CCDC85C: variants seen among roughly 807,000 people sequenced by gnomAD.
CCDC85C encodes the protein coiled-coil domain-containing protein 85C.
In CCDC85C, 18 loss-of-function variants were observed where a neutral mutation model predicts 38.3. The ratio of observed to expected loss-of-function variants is 0.47; its 90% CI spans 0.33 to 0.70. The LOEUF (loss-of-function observed/expected upper bound fraction) is 0.70. Ranked by LOEUF, CCDC85C falls within the 30% of genes least tolerant of loss-of-function variation. The probability of loss-of-function intolerance (pLI) is 0.03; values close to 1 mark genes in which losing one functional copy is unlikely to be tolerated. For synonymous variants in CCDC85C, 264 were observed against 293.8 expected (o/e 0.90, Z 1.04); for missense variants, 566 against 621.2 (o/e 0.91, Z 0.94).
chr14:99,571,045 AC>A (rs1898329528), intron 1 of CCDC85C, among the ~76,000 whole-genome samples: 1 of 151,874 alleles, frequency 6.6e-6, no homozygotes, highest in East Asian at 1.9e-4. Context: ...CAGCCCTGCC[AC>A]CCCTGCCTGT....
chr14:99,603,601 A>G lies in CCDC85C; in HGVS notation c.359T>C (p.Val120Ala). The change falls in exon 1 of 6, where the codon GTG becomes GCG. Residue 120 changes from valine (V) to alanine (A), a missense_variant. Around this residue, in one of 3 missense-constraint regions of CCDC85C, gnomAD observed 269 missense variants for 308.2 expected, o/e 0.87. Transcript: ENST00000380243. This position sits in a 1 kb window ranked among gnomAD's most constrained non-coding sequence, Gnocchi z 7.5. ...GCGCAGCTTCTGCTGCGAGCGGGCC[A>G]CCTCGTGCCACACGGCGCCGGCCGC... ...RHAAGAVWHE[V>A]ARSQQKLREL... 1 of 1,446,664 alleles carries G rather than the reference A, an allele frequency of 6.9e-7. No homozygotes were observed. Among genetic ancestry groups the G allele is most frequent in the Non-Finnish European group, 9.1e-7 (1 of 1,103,926 alleles). 89.6% of individuals were successfully genotyped at this position (1,446,664 alleles called of 1,614,324 possible).
rs1292156282 is a variant in CCDC85C, at chr14:99,522,183, C to T, written c.925G>A (p.Glu309Lys). 2 of 1,550,910 alleles carry T rather than the reference C, an allele frequency of 1.3e-6. No homozygotes were observed. Among genetic ancestry groups the T allele is most frequent in the African/African-American group, 2.7e-5 (2 of 73,070 alleles). ...GGCGGCAGGGACGCAAGCTGGGACT[C>T]CGAGTGGTAGGGCGAGAAGCCTTTC... The part of the protein sequence containing the change: ...LRKGFSPYHS[E>K]SQLASLPPSY... Residue 309 changes from glutamate to lysine, a missense_variant, in exon 3 of 6, where the codon GAG becomes AAG. This residue lies in a region of CCDC85C where 286 missense variants were observed against 276.4 expected (regional missense o/e 1.03). Transcript: ENST00000380243.
chr14:99,534,800 G>C (rs111434394), intron 2 of CCDC85C: 14 of 691,178 alleles, frequency 2.0e-5, no homozygotes, highest in Non-Finnish European at 3.7e-5. Context: ...AAGCCAGCAC[G>C]GCCTGTGGCC....
At chr14:99,524,775 T>C (rs1897351721) in intron 2 of CCDC85C, among the ~76,000 whole-genome samples, 1 of 152,216 alleles carries the variant, frequency 6.6e-6, no homozygotes, top group Non-Finnish European at 1.5e-5. Flanking sequence ...GGGCTTGTTC[T>C]GCACACAGAG....
chr14:99,565,460 A>G (rs1018028058), intron 1 of CCDC85C, among the ~76,000 whole-genome samples: 1 of 152,224 alleles, frequency 6.6e-6, no homozygotes, highest in Non-Finnish European at 1.5e-5. Flanking sequence ...ACCCTCTACA[A>G]GAGATCATCT....
At chr14:99,542,432 T>C (rs1324414194) in intron 1 of CCDC85C, among the ~76,000 whole-genome samples, 1 of 152,116 alleles carries the variant, frequency 6.6e-6, no homozygotes, top group Non-Finnish European at 1.5e-5. Context: ...ATAACCATAT[T>C]CATCTACCGA....
In CCDC85C at chr14:99,500,918, C is replaced by T. The variant is rs1187632480; in HGVS notation, c.*14328G>A. 1 of 1,182,642 alleles carries T rather than the reference C, an allele frequency of 8.5e-7. No homozygotes were observed. Among genetic ancestry groups the T allele is most frequent in the South Asian group, 1.4e-5 (1 of 71,620 alleles). The allele number at this position is 1,182,642 out of a possible 1,614,324, so 73.3% of individuals were successfully genotyped here. A position where few individuals can be genotyped will look rare whatever the true frequency, so the allele number is the denominator to read the frequency against. ...GAATTTTTTCATTCTGAAATCAAGT[C>T]TTTATAATTTGATGACACTCAAATT... On this transcript the variant is annotated 3_prime_UTR_variant, in exon 6 of 6. Coordinates refer to ENST00000380243, the MANE Select transcript of CCDC85C (RefSeq NM_001144995.2).
rs1595336147 is a variant in CCDC85C at position 99,516,757 on chromosome 14, C to G, written c.1071+331G>C. 6.6e-6 allele frequency among the ~76,000 whole-genome samples: 1 copy of G among 152,170 alleles called. No individual in the cohort carries two copies. The highest frequency in any genetic ancestry group is 2.4e-5 in the African/African-American group (1 of 41,428). ...CATCGGACTCACCAGTCTGCACCTG[C>G]AGAGGCTGGGCCTGGCAGACCTGAG... On this transcript the variant is annotated intron_variant, in intron 4 of 5. Coordinates refer to ENST00000380243, the MANE Select transcript of CCDC85C (RefSeq NM_001144995.2). This position sits in a 1 kb window ranked among gnomAD's most constrained non-coding sequence, Gnocchi z 5.5.
intron 1 of CCDC85C, among the ~76,000 whole-genome samples, chr14:99,539,869 G>A (rs986385393): frequency 2.6e-5 from 4 of 152,266 alleles, no homozygotes; most frequent in Non-Finnish European, 4.4e-5. Flanking sequence ...AAGAATGGCC[G>A]GGCGCGGTGG....
rs888207073 is a variant in CCDC85C at position 99,501,136 on chromosome 14, C to T, written c.*14110G>A. The T allele has an allele frequency of 1.7e-6, 1 of 602,222 alleles. No individual in the cohort carries two copies. Among genetic ancestry groups the T allele is most frequent in the Non-Finnish European group, 2.9e-6 (1 of 342,762 alleles). The allele number at this position is 602,222 out of a possible 1,614,324, so 37.3% of individuals were successfully genotyped here. A position where few individuals can be genotyped will look rare whatever the true frequency, so the allele number is the denominator to read the frequency against. On this transcript the variant is annotated 3_prime_UTR_variant, in exon 6 of 6. Transcript: ENST00000380243. ...TTTTAAATGGACTAATAAACTTAGC[C>T]TTGGAGCCAGGTTTTCCATACATGG...
intron 1 of CCDC85C, among the ~76,000 whole-genome samples, chr14:99,579,251 G>A (rs556492375): frequency 2.0e-5 from 3 of 152,370 alleles, no homozygotes; most frequent in Admixed American, 2.0e-4. Context: ...CAGCCTTGGT[G>A]CCAAACAAGC....
rs148440733 is a variant in CCDC85C, at chr14:99,577,741, AGTGT to A, written c.793+25422_793+25425del. On this transcript the variant is annotated intron_variant, in intron 1 of 5. Coordinates refer to ENST00000380243, the MANE Select transcript of CCDC85C (RefSeq NM_001144995.2). ...TACAGCCCGTCCTGCATCCCCCATCAGTGTGTGTGTGTACACATCTCCACACCCA... is the reference window on the plus strand; with the variant it reads ...TACAGCCCGTCCTGCATCCCCCATCAGTGTGTGTACACATCTCCACACCCA... Among the ~76,000 whole-genome samples, 15 of 127,200 alleles carry A rather than the reference AGTGT, an allele frequency of 1.2e-4. 1 individual carries two copies. Among genetic ancestry groups the A allele is most frequent in the African/African-American group, 2.5e-4 (8 of 31,558 alleles). 83.4% of individuals were successfully genotyped at this position (127,200 alleles called of 152,430 possible).
At chr14:99,541,428 C>A (rs1319531218) in intron 1 of CCDC85C, among the ~76,000 whole-genome samples, 2 of 152,204 alleles carry the variant, frequency 1.3e-5, no homozygotes, top group East Asian at 3.8e-4. Context: ...CTCACACACG[C>A]CTCCCTATGA....
At chr14:99,532,266 G>A (rs1021429146) in intron 2 of CCDC85C, among the ~76,000 whole-genome samples, 6 of 152,242 alleles carry the variant, frequency 3.9e-5, no homozygotes, top group African/African-American at 1.4e-4. Flanking sequence ...CAGGAGGCCA[G>A]GAGGATGGAG....
At chr14:99,515,480 G>T in intron 5 of CCDC85C, 145 bp from the exon 6 acceptor site, 1 of 624,762 alleles carries the variant, frequency 1.6e-6, no homozygotes, top group Non-Finnish European at 2.9e-6. Context: ...TGCAGGCCCA[G>T]AGACACCCAC....
At chr14:99,579,002 C>T (rs1474349598) in intron 1 of CCDC85C, among the ~76,000 whole-genome samples, 8 of 152,222 alleles carry the variant, frequency 5.3e-5, no homozygotes, top group African/African-American at 1.9e-4. Flanking sequence ...ACACTTCGGG[C>T]TGAGAACCCA....
At position 99,558,215 on chromosome 14, in the gene CCDC85C, A is replaced by C. The variant is rs1414253773; in HGVS notation, c.794-22127T>G. The stretch of plus-strand genomic sequence containing the variant: ...CACTGGCCTTCATCATCTGCCCAAC[A>C]GCAGAAGAGTCACTCCACCTCCCTG... On this transcript the variant is annotated intron_variant, in intron 1 of 5. Coordinates refer to ENST00000380243, the MANE Select transcript of CCDC85C (RefSeq NM_001144995.2). The surrounding 1 kb of genome is among the most constrained non-coding windows in gnomAD (Gnocchi z 4.2). Among the ~76,000 whole-genome samples the C allele has an allele frequency of 6.6e-6, 1 of 152,236 alleles. No homozygotes were observed. The highest frequency in any genetic ancestry group is 1.5e-5 in the Non-Finnish European group (1 of 68,040).
intron 2 of CCDC85C, among the ~76,000 whole-genome samples, chr14:99,524,016 C>G: frequency 8.8e-6 from 1 of 113,056 alleles, no homozygotes; most frequent in Non-Finnish European, 1.8e-5. Flanking sequence ...ATGAGTGACA[C>G]CCCTCCCCCC....
At chr14:99,529,743 G>T (rs879715464) in intron 2 of CCDC85C, among the ~76,000 whole-genome samples, 5 of 152,222 alleles carry the variant, frequency 3.3e-5, no homozygotes, top group Admixed American at 1.3e-4. Flanking sequence ...TACCTTGGCT[G>T]AGTAAGCCAG....
Sources: gnomAD v4.1 joint callset for allele counts (sites outside exome capture counted in the v4.1 genomes callset) on GRCh38, gnomAD v4.1.1 for gene constraint, gnomAD v4.1.1 regional missense constraint, Gnocchi (gnomAD v3.1) non-coding constraint, MANE v1.5 for transcripts, NCBI Gene and HGNC (gene_info 2026-07-23, HGNC 2026-07-21) for gene names.